The following SLC39A11 variants were observed in gnomAD, a reference collection of about 807,000 sequenced individuals.
SLC39A11 encodes the protein solute carrier family 39 member 11.
SLC39A11 carries 33 observed loss-of-function variants against 36.1 expected under a neutral mutation model. That is an observed-to-expected ratio of 0.91 (90% CI 0.69 to 1.22). The LOEUF (loss-of-function observed/expected upper bound fraction) is 1.22. SLC39A11 is among the 50% of genes most tolerant of loss of function. The pLI, the probability that SLC39A11 is intolerant of heterozygous loss-of-function variation, is 0.00. For synonymous variants in SLC39A11, 166 were observed against 170.3 expected (o/e 0.97, Z 0.20); for missense variants, 432 against 430.3 (o/e 1.00, Z -0.03).
chr17:72,656,657 G>A (rs560649494), intron 7 of SLC39A11, among the ~76,000 whole-genome samples: 2 of 152,174 alleles, frequency 1.3e-5, no homozygotes, highest in South Asian at 4.2e-4. Context: ...TGTCTGCAGG[G>A]GCTGCCTCAT....
chr17:72,910,280 T>A (rs778913265), intron 5 of SLC39A11, among the ~76,000 whole-genome samples: 14 of 152,048 alleles, frequency 9.2e-5, no homozygotes, highest in African/African-American at 2.4e-5. Context: ...ATAACAAACA[T>A]GCATATGTAT....
chr17:73,021,348 T>C (rs974727665), intron 4 of SLC39A11, among the ~76,000 whole-genome samples: 2,918 of 150,770 alleles, frequency 0.019, 58 homozygotes, highest in Non-Finnish European at 0.028. Context: ...CTTTCTTTCT[T>C]TTTTTTTTTA....
intron 6 of SLC39A11, among the ~76,000 whole-genome samples, chr17:72,763,747 T>C (rs954987521): frequency 6.6e-6 from 1 of 152,186 alleles, no homozygotes; most frequent in Non-Finnish European, 1.5e-5. Context: ...AACCCAAGTG[T>C]TCTGACAAAG....
chr17:72,723,045 C>T (rs2073766552), intron 7 of SLC39A11, among the ~76,000 whole-genome samples: 1 of 152,274 alleles, frequency 6.6e-6, no homozygotes, highest in African/African-American at 2.4e-5. Context: ...GGGTGGCCGT[C>T]GTTTGTCAGT....
intron 6 of SLC39A11, among the ~76,000 whole-genome samples, chr17:72,844,198 G>C (rs2078950385): frequency 6.6e-6 from 1 of 152,148 alleles, no homozygotes; most frequent in Admixed American, 6.5e-5. Flanking sequence ...CTCTTAAAAT[G>C]GTCCTCATCA....
At chr17:72,729,405 T>TTTTATACA (rs1351785432) in intron 7 of SLC39A11, among the ~76,000 whole-genome samples, 1 of 29,222 alleles carries the variant, frequency 3.4e-5, no homozygotes, top group Non-Finnish European at 7.2e-5. Flanking sequence ...ACCTGGCTAT[T>TTTTATACA]TATATATATA....
At chr17:72,862,210 T>C (rs1163444822) in intron 5 of SLC39A11, among the ~76,000 whole-genome samples, 1 of 152,166 alleles carries the variant, frequency 6.6e-6, no homozygotes, top group African/African-American at 2.4e-5. Context: ...AGACTCCCAG[T>C]GCAGGGAGGC....
intron 6 of SLC39A11, among the ~76,000 whole-genome samples, chr17:72,824,751 G>T: frequency 6.6e-6 from 1 of 151,268 alleles, no homozygotes; most frequent in East Asian, 1.9e-4. Flanking sequence ...CTGACATTGG[G>T]CCCCTGCTCT....
chr17:72,957,016 TGG>T (rs2086282203), intron 4 of SLC39A11, among the ~76,000 whole-genome samples: 1 of 151,992 alleles, frequency 6.6e-6, no homozygotes, highest in Admixed American at 6.6e-5. Flanking sequence ...CACATGCACC[TGG>T]CAGCCAGCAG....
At chr17:73,062,976 C>T (rs1345847413) in intron 3 of SLC39A11, among the ~76,000 whole-genome samples, 1 of 152,144 alleles carries the variant, frequency 6.6e-6, no homozygotes, top group African/African-American at 2.4e-5. Flanking sequence ...ACCCGCCACT[C>T]ACCTCCTGCT....
At chr17:72,737,168 C>G (rs140024162) in intron 6 of SLC39A11, among the ~76,000 whole-genome samples, 2 of 151,778 alleles carry the variant, frequency 1.3e-5, no homozygotes, top group Non-Finnish European at 2.9e-5. Flanking sequence ...CCCAGCGACT[C>G]GAGAGGCTGA....
intron 5 of SLC39A11, among the ~76,000 whole-genome samples, chr17:72,867,935 A>G (rs2080393177): frequency 6.6e-6 from 1 of 152,244 alleles, no homozygotes. Context: ...TGTAAATGGT[A>G]AAACAAAATT....
rs887486128 is a variant in SLC39A11 at position 72,710,738 on chromosome 17, G to C, written c.671+25912C>G. On this transcript the variant is annotated intron_variant, in intron 7 of 9. Coordinates refer to ENST00000255559, the MANE Select transcript of SLC39A11 (RefSeq NM_139177.4). ...GTTGATTTTATTTCCAAGAAGCCAC[G>C]TAGTGTCTTCCTAGATTATTTTAGT... Among the ~76,000 whole-genome samples the C allele has an allele frequency of 2.6e-5, 4 of 152,182 alleles. No individual in the cohort carries two copies. The East Asian group carries it at 7.7e-4, about 29-fold the overall frequency.
At chr17:72,890,268 CA>C (rs2081657072) in intron 5 of SLC39A11, among the ~76,000 whole-genome samples, 1 of 126,152 alleles carries the variant, frequency 7.9e-6, no homozygotes, top group African/African-American at 3.0e-5. Context: ...CCATCTCAAA[CA>C]AACAACAACA....
chr17:73,055,441 T>C (rs1312452543), intron 3 of SLC39A11, among the ~76,000 whole-genome samples: 6 of 151,674 alleles, frequency 4.0e-5, no homozygotes, highest in Non-Finnish European at 7.4e-5. Context: ...TTTTTTTCTT[T>C]TTTTTTTTTA....
At chr17:72,852,969 G>C (rs1366816063) in intron 5 of SLC39A11, among the ~76,000 whole-genome samples, 1 of 152,048 alleles carries the variant, frequency 6.6e-6, no homozygotes, top group Non-Finnish European at 1.5e-5. Flanking sequence ...AGTGAGAGTT[G>C]ATAGGGGCCA....
chr17:73,005,290 G>A (rs2090119401), intron 4 of SLC39A11, among the ~76,000 whole-genome samples: 1 of 152,082 alleles, frequency 6.6e-6, no homozygotes, highest in Non-Finnish European at 1.5e-5. Flanking sequence ...CACACACAAC[G>A]TTTTGTTAAG....
At chr17:72,906,850 G>T (rs550406549) in intron 5 of SLC39A11, among the ~76,000 whole-genome samples, 1 of 152,338 alleles carries the variant, frequency 6.6e-6, no homozygotes, top group Admixed American at 6.5e-5. Context: ...AACCTGCCTT[G>T]TTAAAGTGTA....
intron 6 of SLC39A11, among the ~76,000 whole-genome samples, chr17:72,775,878 G>C (rs1433619629): frequency 1.3e-5 from 2 of 152,262 alleles, no homozygotes; most frequent in East Asian, 1.9e-4. Flanking sequence ...GGCCGGCTTC[G>C]TATCTGCACG....
Sources: allele counts gnomAD v4.1 joint callset (sites outside exome capture counted in the v4.1 genomes callset), GRCh38; gene constraint gnomAD v4.1.1; transcripts MANE v1.5; gene names NCBI Gene and HGNC (gene_info 2026-07-23, HGNC 2026-07-21).